The following RLN2 variants were observed in gnomAD, a reference collection of about 807,000 sequenced individuals.
RLN2 encodes prorelaxin H2.
RLN2 carries 10 observed loss-of-function variants against 7.3 expected under a neutral mutation model. The observed-to-expected ratio is 1.36, with a 90% confidence interval of 0.84 to 2.31. The LOEUF is 2.31. Among genes scored for constraint, RLN2 ranks in the 30% most tolerant of loss-of-function variants. The pLI, the probability that RLN2 is intolerant of heterozygous loss-of-function variation, is 0.00. For missense variants in RLN2, 298 were observed against 217.6 expected, an observed-to-expected ratio of 1.37 and a Z score of -2.32; for synonymous variants, 103 against 82.3, an observed-to-expected ratio of 1.25 and a Z score of -1.36.
chr9:5,334,698 G>A, the RLN2 span, among the ~76,000 whole-genome samples: 2 of 151,852 alleles, frequency 1.3e-5, no homozygotes, highest in African/African-American at 4.8e-5. Flanking sequence ...AAAAGTACTT[G>A]AGTTCCCTTC....
the RLN2 span, among the ~76,000 whole-genome samples, chr9:5,320,550 T>C: frequency 6.6e-6 from 1 of 151,280 alleles, no homozygotes; most frequent in African/African-American, 2.4e-5. Context: ...TTTGTGTTTT[T>C]AGTAGAGATG....
chr9:5,301,850 G>C (rs1387169308), intron 1 of RLN2, among the ~76,000 whole-genome samples: 1 of 151,830 alleles, frequency 6.6e-6, no homozygotes, highest in African/African-American at 2.4e-5. Context: ...AAAACAAACT[G>C]TAGTATTTCA....
chr9:5,300,145 A>T lies in RLN2; in HGVS notation c.511T>A (p.Cys171Ser). Residue 171 changes from cysteine to serine, a missense_variant, in exon 2 of 2, where the codon TGT becomes AGT. Cys to Ser is a moderately radical substitution (Grantham distance 112). Coordinates refer to ENST00000381627, the MANE Select transcript of RLN2 (RefSeq NM_134441.3). ...RQLYSALANK[C>S]CHVGCTKRSL... is the part of the protein sequence containing the mutation. Reference sequence around the variant, plus strand: ...CTTTTGGTACAACCAACATGGCAACATTTATTAGCCAATGCACTGTAGAGT... The same window carrying T: ...CTTTTGGTACAACCAACATGGCAACTTTTATTAGCCAATGCACTGTAGAGT... 1 of 1,605,150 alleles carries T rather than the reference A, an allele frequency of 6.2e-7. No homozygotes were observed. The highest frequency in any genetic ancestry group is 8.5e-7 in the Non-Finnish European group (1 of 1,177,644).
rs1586924074 is a variant in RLN2, at chr9:5,300,562, G to T, written c.212-118C>A. The T allele has an allele frequency of 7.4e-6, 5 of 671,864 alleles. No individual in the cohort carries two copies. The East Asian group carries it at 8.1e-5, about 11-fold the overall frequency. 41.6% of individuals were successfully genotyped at this position (671,864 alleles called of 1,614,324 possible). ...ATTGCCTCAGTATAAATTAAACATTGAAACAAAATAAGCAAGCATCCTAAT... is the reference window on the plus strand; with the variant it reads ...ATTGCCTCAGTATAAATTAAACATTTAAACAAAATAAGCAAGCATCCTAAT... On this transcript the variant is annotated intron_variant, in intron 1 of 1. Transcript: ENST00000381627.
At chr9:5,323,045 T>A in the RLN2 span, among the ~76,000 whole-genome samples, 1 of 151,670 alleles carries the variant, frequency 6.6e-6, no homozygotes, top group East Asian at 1.9e-4. Context: ...GAGTTACTCA[T>A]AGATAACTTT....
the RLN2 span, among the ~76,000 whole-genome samples, chr9:5,327,048 C>G: frequency 2.6e-5 from 4 of 152,144 alleles, no homozygotes; most frequent in African/African-American, 9.6e-5. Context: ...ACTGGTTGAA[C>G]AGTGGGGGCA....
At chr9:5,323,506 T>C in the RLN2 span, among the ~76,000 whole-genome samples, 4 of 151,974 alleles carry the variant, frequency 2.6e-5, no homozygotes, top group Non-Finnish European at 5.9e-5. Context: ...GGCAGATTTT[T>C]TCCCTTTTCT....
At chr9:5,323,738 T>C in the RLN2 span, among the ~76,000 whole-genome samples, 1 of 151,926 alleles carries the variant, frequency 6.6e-6, no homozygotes, top group Non-Finnish European at 1.5e-5. Context: ...TAAAAATATA[T>C]GCAAAATATG....
chr9:5,314,618 T>C, the RLN2 span, among the ~76,000 whole-genome samples: 4 of 152,024 alleles, frequency 2.6e-5, no homozygotes, highest in African/African-American at 4.8e-5. Flanking sequence ...TGAATAATTG[T>C]AGTACCCTGC....
At chr9:5,311,760 A>C in the RLN2 span, 1 of 812,424 alleles carries the variant, frequency 1.2e-6, no homozygotes, top group South Asian at 1.5e-5. Flanking sequence ...GTGACTGTAG[A>C]GTTTGAAATA....
At chr9:5,321,948 T>C in the RLN2 span, among the ~76,000 whole-genome samples, 5 of 151,994 alleles carry the variant, frequency 3.3e-5, no homozygotes, top group Admixed American at 6.6e-5. Context: ...GTCACTTTCT[T>C]CTCCTCCTTA....
the RLN2 span, among the ~76,000 whole-genome samples, chr9:5,310,245 A>T: frequency 6.6e-6 from 1 of 151,950 alleles, no homozygotes; most frequent in South Asian, 2.1e-4. Flanking sequence ...CTTTAGGTAG[A>T]GCAGGTTAGC....
chr9:5,307,177 T>A (rs907496294), upstream of RLN2, among the ~76,000 whole-genome samples: 1 of 151,890 alleles, frequency 6.6e-6, no homozygotes, highest in African/African-American at 2.4e-5. Flanking sequence ...CAGGCTCTTA[T>A]AAGTAACTTT....
the RLN2 span, among the ~76,000 whole-genome samples, chr9:5,336,105 G>A: frequency 6.6e-6 from 1 of 151,998 alleles, no homozygotes; most frequent in Non-Finnish European, 1.5e-5. Context: ...TAAAGTTAAA[G>A]AGGCAGCATT....
At chr9:5,327,337 G>C in the RLN2 span, among the ~76,000 whole-genome samples, 14 of 152,146 alleles carry the variant, frequency 9.2e-5, no homozygotes, top group Admixed American at 3.3e-4. Flanking sequence ...CAGCTTGATG[G>C]GGGGAGGGGC....
chr9:5,335,476 C>T, the RLN2 span: 3 of 1,613,292 alleles, frequency 1.9e-6, no homozygotes, highest in Non-Finnish European at 2.5e-6. Context: ...ACTGCTGTAG[C>T]TCTGGTAATG....
chr9:5,328,957 AGT>A, the RLN2 span, among the ~76,000 whole-genome samples: 1 of 152,084 alleles, frequency 6.6e-6, no homozygotes, highest in African/African-American at 2.4e-5. Flanking sequence ...AGGAACAACC[AGT>A]ACCAGCCACT....
At chr9:5,332,602 G>A in the RLN2 span, among the ~76,000 whole-genome samples, 2 of 149,324 alleles carry the variant, frequency 1.3e-5, no homozygotes. Context: ...GGAGCAAGTT[G>A]AGGGGTCACT....
upstream of RLN2, among the ~76,000 whole-genome samples, chr9:5,307,308 GA>G: frequency 1.4e-5 from 2 of 146,374 alleles, no homozygotes; most frequent in South Asian, 4.3e-4. Flanking sequence ...TAGATAGATA[GA>G]TGATAGATAG....
Sources: allele counts gnomAD v4.1 joint callset (sites outside exome capture counted in the v4.1 genomes callset), GRCh38; gene constraint gnomAD v4.1.1; transcripts MANE v1.5; gene names NCBI Gene and HGNC (gene_info 2026-07-23, HGNC 2026-07-21).